Variants in TSGA10 observed in about 807,000 individuals in gnomAD.
TSGA10 encodes testis-specific gene 10 protein.
In TSGA10, 43 loss-of-function variants were observed where a neutral mutation model predicts 96.6. That is an observed-to-expected ratio of 0.44 (90% CI 0.35 to 0.57). TSGA10 has a LOEUF of 0.57. Ranked by LOEUF, TSGA10 falls within the 20% of genes least tolerant of loss-of-function variation. The pLI is 0.01. For synonymous variants in TSGA10, 229 were observed against 269.9 expected (o/e 0.85, Z 1.48); for missense variants, 703 against 834.4 (o/e 0.84, Z 1.94).
intron 4 of TSGA10, among the ~76,000 whole-genome samples, chr2:99,113,415 T>TA (rs2104877958): frequency 6.6e-6 from 1 of 152,194 alleles, no homozygotes; most frequent in South Asian, 2.1e-4. Flanking sequence ...AAAGAATACA[T>TA]GAAGCAACCC....
At chr2:99,106,087 A>T (rs975519801) in intron 7 of TSGA10, among the ~76,000 whole-genome samples, 2 of 152,228 alleles carry the variant, frequency 1.3e-5, no homozygotes, top group African/African-American at 4.8e-5. Flanking sequence ...ATATAAATGC[A>T]TATGCCATTC....
intron 10 of TSGA10, among the ~76,000 whole-genome samples, chr2:99,100,674 GCCAGGC>G (rs2090591058): frequency 6.6e-6 from 1 of 151,578 alleles, no homozygotes; most frequent in Non-Finnish European, 1.5e-5. Context: ...CAAAAAATTA[GCCAGGC>G]GCGGTGGCGG....
intron 4 of TSGA10, chr2:99,117,336 ATTAC>A (rs756688514): frequency 6.7e-5 from 11 of 163,956 alleles, no homozygotes; most frequent in Non-Finnish European, 8.9e-5. Flanking sequence ...ATGACTGCAT[ATTAC>A]TTAGGAAATG....
At position 99,099,039 on chromosome 2, in the gene TSGA10, G is replaced by A. The variant is rs184317857; in HGVS notation, c.611+4928C>T. Among the ~76,000 whole-genome samples, 7 of 152,320 alleles carry A rather than the reference G, an allele frequency of 4.6e-5. No homozygotes were observed. In the South Asian group the frequency reaches 6.2e-4, roughly 14 times the overall value. On this transcript the variant is annotated intron_variant, in intron 10 of 20. Coordinates refer to ENST00000393483, the MANE Select transcript of TSGA10 (RefSeq NM_025244.4). ...AAAAAGCCATAAGAGACAGCTGGGCGTGATGGCTCACACCTGTAATCCCAG... is the reference window on the plus strand; with the variant it reads ...AAAAAGCCATAAGAGACAGCTGGGCATGATGGCTCACACCTGTAATCCCAG...
intron 16 of TSGA10, among the ~76,000 whole-genome samples, chr2:99,046,087 T>C (rs566966999): frequency 1.1e-4 from 16 of 151,910 alleles, no homozygotes; most frequent in Non-Finnish European, 7.4e-5. Flanking sequence ...TCCTTAGAGA[T>C]CTACAAAGAG....
At chr2:99,017,204 C>T (rs913474358) in intron 20 of TSGA10, among the ~76,000 whole-genome samples, 7 of 152,124 alleles carry the variant, frequency 4.6e-5, no homozygotes, top group South Asian at 2.1e-4. Flanking sequence ...TACTTGCACA[C>T]GCATGTTTGT....
intron 10 of TSGA10, among the ~76,000 whole-genome samples, chr2:99,100,082 A>G (rs2090519403): frequency 1.3e-5 from 2 of 152,316 alleles, no homozygotes; most frequent in South Asian, 4.1e-4. Flanking sequence ...GACTCAAATA[A>G]CATAAAAATA....
At position 99,105,419 on chromosome 2, in the gene TSGA10, T is replaced by C; in HGVS notation, c.399A>G (p.Ala133=). The part of the protein sequence containing the change: ...RERLKIAQET[A]FNEKAHLEQR... ...GTTCCAGGTGAGCCTTCTCATTAAA[T>C]GCTGTCTCTTGAGCAATCTGATTAA... The change falls in exon 9 of 21, where the codon GCA becomes GCG. Residue 133 remains alanine, a synonymous_variant. Coordinates refer to ENST00000393483, the MANE Select transcript of TSGA10 (RefSeq NM_025244.4). The C allele has an allele frequency of 3.1e-6, 5 of 1,613,700 alleles. No individual in the cohort carries two copies. In the South Asian group the frequency reaches 4.4e-5, roughly 14 times the overall value.
chr2:99,109,250 GACCTCTGTCTCTCA>G, intron 6 of TSGA10, 125 bp downstream of exon 6: 1 of 905,496 alleles, frequency 1.1e-6, no homozygotes, highest in Non-Finnish European at 1.7e-6. Flanking sequence ...CCATCAAAGA[GACCTCTGTCTCTCA>G]ACCCCTTTGA....
chr2:99,009,929 T>C (rs1476358885), intron 20 of TSGA10, among the ~76,000 whole-genome samples: 2 of 152,184 alleles, frequency 1.3e-5, no homozygotes, highest in Non-Finnish European at 2.9e-5. Context: ...TGGGGTAAAA[T>C]TTTTTAAATA....
chr2:99,036,112 T>C (rs1338004234), intron 16 of TSGA10, among the ~76,000 whole-genome samples: 1 of 152,106 alleles, frequency 6.6e-6, no homozygotes, highest in Non-Finnish European at 1.5e-5. Flanking sequence ...GTAAGTGCAC[T>C]GCCACCTACA....
At chr2:99,136,950 T>C (rs551036605) in intron 1 of TSGA10, among the ~76,000 whole-genome samples, 44 of 152,138 alleles carry the variant, frequency 2.9e-4, no homozygotes, top group Non-Finnish European at 4.1e-4. Context: ...TATATTACTT[T>C]TATGGGATGT....
chr2:99,018,462 C>A, intron 19 of TSGA10, 74 bp downstream of exon 19: 1 of 1,567,006 alleles, frequency 6.4e-7, no homozygotes, highest in African/African-American at 1.4e-5. Context: ...GAACTAAAAC[C>A]TCTTGTTACC....
At chr2:99,103,834 G>A in intron 10 of TSGA10, 133 bp downstream of exon 10, 2 of 1,051,654 alleles carry the variant, frequency 1.9e-6, no homozygotes, top group East Asian at 5.4e-5. Context: ...TGTGCCAAGG[G>A]TTCCTACAAC....
At position 99,108,816 on chromosome 2, in the gene TSGA10, G is replaced by GT; in HGVS notation, c.210+16dup. 3 of 1,512,496 alleles carry GT rather than the reference G, an allele frequency of 2.0e-6. No homozygotes were observed. Among genetic ancestry groups the GT allele is most frequent in the Non-Finnish European group, 8.8e-7 (1 of 1,133,164 alleles). 93.7% of individuals were successfully genotyped at this position (1,512,496 alleles called of 1,614,324 possible). A position where few individuals can be genotyped will look rare whatever the true frequency, so the allele number is the denominator to read the frequency against. ...CTCAATGTTATTACTTATATAATTT[G>GT]TTTTTTGTAAGTTTACCTGTTCATA... On this transcript the variant is annotated intron_variant, in intron 7 of 20. Transcript: ENST00000393483.
In TSGA10 at chr2:99,120,798, T is replaced by C. The variant is rs561957826; in HGVS notation, c.-491-2112A>G. Among the ~76,000 whole-genome samples, 67 of 152,236 alleles carry C rather than the reference T, an allele frequency of 4.4e-4. 1 individual carries two copies. The South Asian group carries it at 0.013, about 31-fold the overall frequency. On this transcript the variant is annotated intron_variant, in intron 2 of 20. Transcript: ENST00000393483. ...ACTACCACCTCAAGATATAGAACTG[T>C]TCCATTACAACGAGACCATTCTTCT...
chr2:99,114,119 AAACT>A (rs1394979576), intron 4 of TSGA10, among the ~76,000 whole-genome samples: 4 of 152,224 alleles, frequency 2.6e-5, no homozygotes, highest in African/African-American at 7.2e-5. Flanking sequence ...AATTCCAGAC[AAACT>A]AACAGTAGCT....
At chr2:99,106,117 G>A (rs1170781067) in intron 7 of TSGA10, among the ~76,000 whole-genome samples, 4 of 152,058 alleles carry the variant, frequency 2.6e-5, no homozygotes, top group Non-Finnish European at 5.9e-5. Context: ...GGCTACTTCT[G>A]CCCTGACAGA....
chr2:99,103,653 A>T (rs1261236567), intron 10 of TSGA10, among the ~76,000 whole-genome samples: 1 of 152,254 alleles, frequency 6.6e-6, no homozygotes, highest in Non-Finnish European at 1.5e-5. Context: ...AAAGTTATAA[A>T]GGTAAACAAT....
Sources: allele counts gnomAD v4.1 joint callset (sites outside exome capture counted in the v4.1 genomes callset), GRCh38; gene constraint gnomAD v4.1.1; transcripts MANE v1.5; gene names NCBI Gene and HGNC (gene_info 2026-07-23, HGNC 2026-07-21).